Variants in IGF2R observed in about 807,000 individuals in gnomAD.
IGF2R encodes the protein insulin like growth factor 2 receptor, also known as cation-independent mannose-6-phosphate receptor.
Under a neutral mutation model 270.6 loss-of-function variants are expected in IGF2R, and 91 were observed. The ratio of observed to expected loss-of-function variants is 0.34; its 90% confidence interval spans 0.28 to 0.40. IGF2R has a LOEUF of 0.40. IGF2R is among the 10% of genes least tolerant of loss of function. The pLI is 1.00. For synonymous variants in IGF2R, 1,316 were observed against 1,258.9 expected (o/e 1.05, Z -0.96); for missense variants, 2,805 against 3,188.3 (o/e 0.88, Z 2.90).
At chr6:160,078,005 A>T (rs1461084302) in intron 36 of IGF2R, among the ~76,000 whole-genome samples, 196 bp from the exon 37 acceptor site, 2 of 152,174 alleles carry the variant, frequency 1.3e-5, no homozygotes, top group Admixed American at 6.5e-5. Flanking sequence ...AGCTCACAGG[A>T]TGTGTAGGGG....
At chr6:160,074,829 C>G (rs1306970073) in intron 35 of IGF2R, among the ~76,000 whole-genome samples, 1 of 152,140 alleles carries the variant, frequency 6.6e-6, no homozygotes, top group Non-Finnish European at 1.5e-5. Context: ...TCGGCCACAG[C>G]CTGAATTAGC....
chr6:160,032,111 G>A (rs1380292963), intron 7 of IGF2R, among the ~76,000 whole-genome samples: 1 of 152,208 alleles, frequency 6.6e-6, no homozygotes, highest in African/African-American at 2.4e-5. Context: ...TGTTCACTCA[G>A]TGTCAGGGTT....
At chr6:160,073,561 G>T in intron 34 of IGF2R, 92 bp downstream of exon 34, 1 of 1,452,626 alleles carries the variant, frequency 6.9e-7, no homozygotes, top group Non-Finnish European at 9.4e-7. Flanking sequence ...ACTAGTAGAT[G>T]CCCAGCTGAA....
chr6:160,008,033 A>G (rs1784273021), intron 2 of IGF2R, among the ~76,000 whole-genome samples: 1 of 152,206 alleles, frequency 6.6e-6, no homozygotes, highest in Admixed American at 6.5e-5. Flanking sequence ...TTGGCCACCT[A>G]AAATACACTA....
At chr6:160,025,156 GAAGCTTTAGCTT>G (rs1389501100) in intron 5 of IGF2R, among the ~76,000 whole-genome samples, 1 of 152,234 alleles carries the variant, frequency 6.6e-6, no homozygotes, top group African/African-American at 2.4e-5. Flanking sequence ...ACTGGTGTGA[GAAGCTTTAGCTT>G]AAGCTTTAGA....
At chr6:160,024,236 ATAGC>A (rs79145362) in intron 4 of IGF2R, among the ~76,000 whole-genome samples, 4,960 of 152,198 alleles carry the variant, frequency 0.033, 124 homozygotes, top group South Asian at 0.051. Flanking sequence ...ACATGAGATG[ATAGC>A]TAGGGGAATG....
chr6:160,068,222 A>C, intron 29 of IGF2R, 27 bp from the exon 30 acceptor site: 1 of 1,613,546 alleles, frequency 6.2e-7, no homozygotes, highest in East Asian at 2.2e-5. Context: ...ACCAAGCCTA[A>C]CTAACTGCGG....
intron 36 of IGF2R, among the ~76,000 whole-genome samples, chr6:160,076,412 A>G (rs1286963925): frequency 6.6e-6 from 1 of 152,252 alleles, no homozygotes; most frequent in Non-Finnish European, 1.5e-5. Context: ...TGGAATCAGA[A>G]TAGCTACAAC....
chr6:159,984,209 C>T (rs541503244), intron 1 of IGF2R, among the ~76,000 whole-genome samples: 6 of 152,254 alleles, frequency 3.9e-5, no homozygotes, highest in African/African-American at 7.2e-5. Context: ...TGGCCAATGA[C>T]GGACTGCATA....
intron 7 of IGF2R, among the ~76,000 whole-genome samples, chr6:160,030,276 A>G (rs945242032): frequency 6.6e-6 from 1 of 152,152 alleles, no homozygotes; most frequent in Non-Finnish European, 1.5e-5. Context: ...GGCGTCCCCC[A>G]GGGAGGGAGG....
chr6:160,099,945 C>G (rs920889844), intron 45 of IGF2R, among the ~76,000 whole-genome samples: 1 of 152,202 alleles, frequency 6.6e-6, no homozygotes, highest in Admixed American at 6.5e-5. Flanking sequence ...GGAAGACATA[C>G]TGTTAGACTT....
intron 10 of IGF2R, among the ~76,000 whole-genome samples, chr6:160,036,075 G>C (rs924905242): frequency 6.6e-6 from 1 of 152,194 alleles, no homozygotes; most frequent in Non-Finnish European, 1.5e-5. Flanking sequence ...GGAACGGTGA[G>C]TGTGCAGTAT....
intron 1 of IGF2R, among the ~76,000 whole-genome samples, chr6:159,973,363 A>C (rs954105176): frequency 2.0e-5 from 3 of 152,218 alleles, no homozygotes; most frequent in African/African-American, 7.2e-5. Context: ...TAATGATAAA[A>C]TAATGCTTTG....
intron 41 of IGF2R, among the ~76,000 whole-genome samples, chr6:160,086,646 G>A (rs1206736747): frequency 2.0e-5 from 3 of 152,072 alleles, no homozygotes; most frequent in Non-Finnish European, 4.4e-5. Flanking sequence ...AAAATTTTCC[G>A]TAAAACAGTG....
At chr6:160,045,922 G>A (rs534268319) in intron 14 of IGF2R, 40 bp downstream of exon 14, 1 of 1,483,226 alleles carries the variant, frequency 6.7e-7, no homozygotes, top group African/African-American at 1.4e-5. Context: ...ATGTGACTTG[G>A]AACCACTTAA....
intron 4 of IGF2R, among the ~76,000 whole-genome samples, chr6:160,013,322 A>G (rs1467897752): frequency 1.3e-5 from 2 of 151,814 alleles, no homozygotes; most frequent in East Asian, 1.9e-4. Flanking sequence ...TCACATTTTT[A>G]CAGGATTGTT....
At chr6:160,036,113 G>T (rs1453357437) in intron 10 of IGF2R, among the ~76,000 whole-genome samples, 2 of 152,160 alleles carry the variant, frequency 1.3e-5, no homozygotes, top group African/African-American at 2.4e-5. Context: ...TCCTGCAGAG[G>T]AGCTGGATTA....
chr6:160,076,639 C>T (rs1778861257), intron 36 of IGF2R, among the ~76,000 whole-genome samples: 1 of 152,206 alleles, frequency 6.6e-6, no homozygotes, highest in South Asian at 2.1e-4. Flanking sequence ...GTCCCAGCTA[C>T]TGCACAGGGG....
intron 19 of IGF2R, among the ~76,000 whole-genome samples, chr6:160,052,732 G>GAT (rs1242483244): frequency 6.6e-6 from 1 of 152,184 alleles, no homozygotes; most frequent in East Asian, 1.9e-4. Flanking sequence ...GTGCAAAACA[G>GAT]ATATATAGAC....
Sources: allele counts gnomAD v4.1 joint callset (sites outside exome capture counted in the v4.1 genomes callset), GRCh38; gene constraint gnomAD v4.1.1; transcripts MANE v1.5; gene names NCBI Gene and HGNC (gene_info 2026-07-23, HGNC 2026-07-21).